TUSC3: variants seen among roughly 807,000 people sequenced by gnomAD.
TUSC3 encodes tumor suppressor candidate 3.
In TUSC3, 45 loss-of-function variants were observed where a neutral mutation model predicts 44.8. The ratio of observed to expected loss-of-function variants is 1.00; its 90% CI spans 0.79 to 1.29. The LOEUF is 1.29. Ranked by LOEUF, TUSC3 falls within the 50% of genes most tolerant of loss-of-function variation. The pLI, the probability that TUSC3 is intolerant of heterozygous loss-of-function variation, is 0.00. For missense variants in TUSC3, 519 were observed against 437.9 expected (o/e 1.19, Z -1.65); for synonymous variants, 212 against 152.9 (o/e 1.39, Z -2.85).
chr8:15,506,702 G>A (rs182363269), intron 2 of TUSC3, among the ~76,000 whole-genome samples: 4 of 152,186 alleles, frequency 2.6e-5, no homozygotes, highest in Admixed American at 6.5e-5. Flanking sequence ...CGAGAACAGC[G>A]CAGGAAAAAC....
chr8:15,527,907 C>T (rs553533637), intron 2 of TUSC3, among the ~76,000 whole-genome samples: 2 of 152,270 alleles, frequency 1.3e-5, no homozygotes, highest in South Asian at 4.1e-4. Context: ...ATGAGTAAAA[C>T]AATTTTCTTT....
At chr8:15,477,254 T>G (rs1458645221) in intron 1 of TUSC3, among the ~76,000 whole-genome samples, 1 of 152,210 alleles carries the variant, frequency 6.6e-6, no homozygotes, top group African/African-American at 2.4e-5. Flanking sequence ...TCTATGAGGT[T>G]AAATGGTGTA....
intron 10 of TUSC3, among the ~76,000 whole-genome samples, chr8:15,758,559 T>A (rs1812032582): frequency 6.6e-6 from 1 of 151,976 alleles, no homozygotes; most frequent in African/African-American, 2.4e-5. Flanking sequence ...CTTAATTCCA[T>A]TGTGGTAATA....
At chr8:15,562,698 T>G (rs1192690875) in intron 1 of TUSC3, among the ~76,000 whole-genome samples, 1 of 152,124 alleles carries the variant, frequency 6.6e-6, no homozygotes, top group East Asian at 1.9e-4. Flanking sequence ...GTTTCTTGTT[T>G]TCTTCCTGCT....
chr8:15,483,673 T>TTTTTTTTTTTTTTTTTTTTTTTA (rs57108938), intron 2 of TUSC3, among the ~76,000 whole-genome samples: 1 of 124,164 alleles, frequency 8.1e-6, no homozygotes, highest in Non-Finnish European at 1.6e-5. Flanking sequence ...TTTTTTTTTT[T>TTTTTTTTTTTTTTTTTTTTTTTA]GAGACTAAGT....
At chr8:15,566,531 A>G (rs2129141800) in intron 1 of TUSC3, among the ~76,000 whole-genome samples, 1 of 152,176 alleles carries the variant, frequency 6.6e-6, no homozygotes, top group South Asian at 2.1e-4. Flanking sequence ...AAAAAAGTTT[A>G]CCACTTTTTT....
At chr8:15,637,351 C>T (rs1806128169) in intron 2 of TUSC3, among the ~76,000 whole-genome samples, 1 of 152,096 alleles carries the variant, frequency 6.6e-6, no homozygotes, top group Non-Finnish European at 1.5e-5. Context: ...GACTTCATTT[C>T]TGCGTGGATT....
At chr8:15,495,796 A>C (rs555006643) in intron 2 of TUSC3, among the ~76,000 whole-genome samples, 1 of 152,154 alleles carries the variant, frequency 6.6e-6, no homozygotes, top group Non-Finnish European at 1.5e-5. Context: ...TCATAGGCTT[A>C]TATTGGAGAA....
At chr8:15,818,411 C>T in the TUSC3 span, among the ~76,000 whole-genome samples, 20 of 152,218 alleles carry the variant, frequency 1.3e-4, no homozygotes, top group South Asian at 2.1e-4. Context: ...TCTTTTAAGA[C>T]GCCTTCAAAT....
chr8:15,501,805 C>G (rs981124996), intron 2 of TUSC3, among the ~76,000 whole-genome samples: 12 of 152,168 alleles, frequency 7.9e-5, no homozygotes, highest in African/African-American at 2.9e-4. Context: ...TTTCAGTGCT[C>G]TTTCAGAAAG....
At chr8:15,714,103 T>C (rs932770606) in intron 6 of TUSC3, among the ~76,000 whole-genome samples, 2 of 152,150 alleles carry the variant, frequency 1.3e-5, no homozygotes, top group African/African-American at 4.8e-5. Flanking sequence ...ACCTCTTTAC[T>C]CAGCATGAGA....
intron 1 of TUSC3, among the ~76,000 whole-genome samples, chr8:15,466,821 T>G (rs1800420958): frequency 6.6e-6 from 1 of 152,146 alleles, no homozygotes; most frequent in Non-Finnish European, 1.5e-5. Context: ...ATCTCCATGT[T>G]GTGATGGAGA....
chr8:15,461,545 C>G (rs1026840205), intron 1 of TUSC3, among the ~76,000 whole-genome samples: 1 of 151,870 alleles, frequency 6.6e-6, no homozygotes, highest in Non-Finnish European at 1.5e-5. Flanking sequence ...TGTCTGATTT[C>G]TCCGGCTAGG....
chr8:15,478,416 G>A (rs536158031), intron 1 of TUSC3, among the ~76,000 whole-genome samples: 1 of 152,032 alleles, frequency 6.6e-6, no homozygotes, highest in East Asian at 1.9e-4. Flanking sequence ...ATTTATCCTG[G>A]TGCTCTCTCT....
intron 1 of TUSC3, among the ~76,000 whole-genome samples, chr8:15,478,223 C>G (rs1304651832): frequency 6.6e-6 from 1 of 152,180 alleles, no homozygotes; most frequent in Non-Finnish European, 1.5e-5. Flanking sequence ...GCCTCAGCCT[C>G]CCAAAGTGCT....
chr8:15,692,207 T>C (rs1808931108), intron 6 of TUSC3, among the ~76,000 whole-genome samples: 1 of 152,138 alleles, frequency 6.6e-6, no homozygotes, highest in South Asian at 2.1e-4. Context: ...TTTGATGTAC[T>C]GCTGGATTTA....
At chr8:15,432,509 G>A (rs2129117044) in intron 1 of TUSC3, among the ~76,000 whole-genome samples, 1 of 152,202 alleles carries the variant, frequency 6.6e-6, no homozygotes, top group African/African-American at 2.4e-5. Context: ...GTCTGGTTCT[G>A]ATGCTTGCTC....
intron 1 of TUSC3, among the ~76,000 whole-genome samples, chr8:15,582,388 T>G (rs1041007326): frequency 6.6e-6 from 1 of 152,194 alleles, no homozygotes; most frequent in African/African-American, 2.4e-5. Flanking sequence ...AAACCAATCT[T>G]TTATGAATTT....
chr8:15,464,728 G>T (rs1057448696), intron 1 of TUSC3, among the ~76,000 whole-genome samples: 1 of 152,132 alleles, frequency 6.6e-6, no homozygotes, highest in South Asian at 2.1e-4. Flanking sequence ...AAAGCAAATT[G>T]ATGTATCATT....
Sources: gnomAD v4.1 joint callset for allele counts (sites outside exome capture counted in the v4.1 genomes callset) on GRCh38, gnomAD v4.1.1 for gene constraint, MANE v1.5 for transcripts, NCBI Gene and HGNC (gene_info 2026-07-23, HGNC 2026-07-21) for gene names.